Variants in ZNG1E observed in about 807,000 individuals in gnomAD.
ZNG1E encodes Zn regulated GTPase metalloprotein activator 1E.
chr9:65,659,464 C>T, the ZNG1E span, among the ~76,000 whole-genome samples: 1 of 148,646 alleles, frequency 6.7e-6, no homozygotes, highest in Non-Finnish European at 1.5e-5. Context: ...CACTGCACTC[C>T]ATCCTGGGTG....
chr9:65,695,933 A>T, the ZNG1E span, among the ~76,000 whole-genome samples: 5 of 151,832 alleles, frequency 3.3e-5, no homozygotes, highest in African/African-American at 1.2e-4. Context: ...TAAAATATTT[A>T]AAAAATATTT....
the ZNG1E span, among the ~76,000 whole-genome samples, chr9:65,689,447 G>T: frequency 7.6e-6 from 1 of 131,388 alleles, no homozygotes; most frequent in Non-Finnish European, 1.6e-5. Flanking sequence ...AATATTCCCT[G>T]GGGAGAAAAG....
At chr9:65,676,005 A>G in the ZNG1E span, 1 of 1,608,992 alleles carries the variant, frequency 6.2e-7, no homozygotes, top group African/African-American at 1.4e-5. Context: ...TCTGTGGATG[A>G]GGAAGAGGAT....
chr9:65,677,198 C>G, the ZNG1E span: 1 of 1,547,378 alleles, frequency 6.5e-7, no homozygotes, highest in Admixed American at 2.0e-5. Context: ...CAAACGTGCC[C>G]CTCGGGCCTT....
chr9:65,685,156 C>T, the ZNG1E span, among the ~76,000 whole-genome samples: 1 of 152,184 alleles, frequency 6.6e-6, no homozygotes, highest in Admixed American at 6.5e-5. Flanking sequence ...ATATTTATGG[C>T]TAAAAAATGC....
chr9:65,667,564 T>C, the ZNG1E span, among the ~76,000 whole-genome samples: 1 of 152,112 alleles, frequency 6.6e-6, no homozygotes, highest in Non-Finnish European at 1.5e-5. Flanking sequence ...ACATACTTTC[T>C]TATATTTCTT....
the ZNG1E span, chr9:65,693,333 T>C: frequency 1.7e-6 from 2 of 1,170,492 alleles, no homozygotes; most frequent in Non-Finnish European, 2.3e-6. Flanking sequence ...TTTAGTAAGA[T>C]CTTTAAAAGT....
At chr9:65,719,277 C>T in the ZNG1E span, 1 of 141,262 alleles carries the variant, frequency 7.1e-6, no homozygotes, top group African/African-American at 2.9e-5. Context: ...CAAAGAGACT[C>T]ATTCCCTCCA....
the ZNG1E span, among the ~76,000 whole-genome samples, chr9:65,680,881 C>T: frequency 2.6e-5 from 4 of 152,196 alleles, no homozygotes; most frequent in East Asian, 3.9e-4. Context: ...CTCCGCCTCC[C>T]GGGTTCACGC....
chr9:65,676,949 T>C, the ZNG1E span, among the ~76,000 whole-genome samples: 1 of 142,070 alleles, frequency 7.0e-6, no homozygotes, highest in African/African-American at 2.8e-5. Context: ...TTCCGGGAAA[T>C]AATATTCCTA....
chr9:65,694,495 C>T, the ZNG1E span, among the ~76,000 whole-genome samples: 4 of 151,984 alleles, frequency 2.6e-5, no homozygotes, highest in African/African-American at 4.8e-5. Flanking sequence ...TAACCTTCTG[C>T]TACCTTGATA....
the ZNG1E span, among the ~76,000 whole-genome samples, chr9:65,691,673 C>G: frequency 4.6e-5 from 7 of 152,346 alleles, no homozygotes; most frequent in South Asian, 8.3e-4. Flanking sequence ...TTTTTATCCT[C>G]CAGGCAATAT....
the ZNG1E span, among the ~76,000 whole-genome samples, chr9:65,656,653 G>T: frequency 1.3e-5 from 2 of 152,404 alleles, no homozygotes; most frequent in African/African-American, 2.4e-5. Context: ...GGTAAATAGA[G>T]AAACTTACTT....
At chr9:65,666,907 A>T in the ZNG1E span, among the ~76,000 whole-genome samples, 1 of 152,196 alleles carries the variant, frequency 6.6e-6, no homozygotes, top group South Asian at 2.1e-4. Flanking sequence ...TGCAACCTCC[A>T]TCTCCTAGGT....
At chr9:65,720,924 A>G in the ZNG1E span, among the ~76,000 whole-genome samples, 1 of 149,704 alleles carries the variant, frequency 6.7e-6, no homozygotes, top group African/African-American at 2.5e-5. Context: ...CTTATCTTTA[A>G]AATGAATAAA....
At chr9:65,685,789 A>G in the ZNG1E span, among the ~76,000 whole-genome samples, 2 of 152,274 alleles carry the variant, frequency 1.3e-5, no homozygotes, top group Non-Finnish European at 2.9e-5. Context: ...AATGGCATCT[A>G]GAATGATGAA....
the ZNG1E span, among the ~76,000 whole-genome samples, chr9:65,679,804 C>T: frequency 1.3e-5 from 2 of 152,156 alleles, no homozygotes; most frequent in Middle Eastern, 3.2e-3. Context: ...CCACCCGCCT[C>T]GGCCTCCCAA....
chr9:65,721,867 A>C, the ZNG1E span, among the ~76,000 whole-genome samples: 2 of 150,846 alleles, frequency 1.3e-5, no homozygotes, highest in Non-Finnish European at 2.9e-5. Flanking sequence ...GGCATGAACA[A>C]TTTCATTTGG....
the ZNG1E span, among the ~76,000 whole-genome samples, chr9:65,712,338 TTG>T: frequency 2.0e-5 from 1 of 50,908 alleles, no homozygotes; most frequent in African/African-American, 1.3e-4. Flanking sequence ...GAAGGGTTTT[TTG>T]TGTCTCTATT....
Sources: allele counts gnomAD v4.1 joint callset (sites outside exome capture counted in the v4.1 genomes callset), GRCh38; gene constraint gnomAD v4.1.1; transcripts MANE v1.5; gene names NCBI Gene and HGNC (gene_info 2026-07-23, HGNC 2026-07-21).